NTRK2: variants seen among roughly 807,000 people sequenced by gnomAD.
NTRK2 encodes the protein neurotrophic receptor tyrosine kinase 2.
A neutral mutation model predicts 94.5 loss-of-function variants in NTRK2; 13 were observed. The observed-to-expected ratio is 0.14, with a 90% confidence interval of 0.09 to 0.22. The LOEUF (loss-of-function observed/expected upper bound fraction) is 0.22. NTRK2 is among the 10% of genes least tolerant of loss of function. The pLI is 1.00. For synonymous variants in NTRK2, 372 were observed against 407.4 expected, an observed-to-expected ratio of 0.91 and a Z score of 1.05; for missense variants, 639 against 1,071.2, an observed-to-expected ratio of 0.60 and a Z score of 5.63.
At position 84,875,012 on chromosome 9, in the gene NTRK2, AC is replaced by A. The variant is rs1444453229; in HGVS notation, c.1633+7583del. On this transcript the variant is annotated intron_variant, in intron 14 of 18. Transcript: ENST00000277120. ...ATAAATAATGTAGATTTAGTAGAAA[AC>A]CTGGAAAACATAAGAAACAAAGATG... The A allele has an allele frequency of 3.8e-6, 4 of 1,057,120 alleles. No homozygotes were observed. The African/African-American group carries it at 6.6e-5, about 17-fold the overall frequency. The allele number at this position is 1,057,120 out of a possible 1,614,324, so 65.5% of individuals were successfully genotyped here. A position where few individuals can be genotyped will look rare whatever the true frequency, so the allele number is the denominator to read the frequency against.
At chr9:84,687,628 T>C (rs1401380077) in intron 2 of NTRK2, among the ~76,000 whole-genome samples, 2 of 152,226 alleles carry the variant, frequency 1.3e-5, no homozygotes, top group African/African-American at 4.8e-5. Context: ...AGATACTCTG[T>C]TGGCAAAGTC....
intron 14 of NTRK2, among the ~76,000 whole-genome samples, chr9:84,910,641 A>G (rs954013058): frequency 6.6e-6 from 1 of 152,164 alleles, no homozygotes; most frequent in African/African-American, 2.4e-5. Flanking sequence ...TCCATAATTA[A>G]ACCCACTACA....
intron 16 of NTRK2, among the ~76,000 whole-genome samples, chr9:84,952,338 G>T (rs537234937): frequency 6.6e-6 from 1 of 152,334 alleles, no homozygotes; most frequent in African/African-American, 2.4e-5. Context: ...CAGAGCAGTT[G>T]GTGCAGTGCC....
intron 14 of NTRK2, among the ~76,000 whole-genome samples, chr9:84,915,611 C>G (rs947938042): frequency 6.6e-6 from 1 of 152,112 alleles, no homozygotes; most frequent in Non-Finnish European, 1.5e-5. Flanking sequence ...AACCAGAAAA[C>G]CTCTGTTCTT....
chr9:84,898,361 A>T (rs1241967645), intron 14 of NTRK2, among the ~76,000 whole-genome samples: 1 of 152,176 alleles, frequency 6.6e-6, no homozygotes. Context: ...ACTTAGGTGA[A>T]GTAGATCTTT....
intron 14 of NTRK2, among the ~76,000 whole-genome samples, chr9:84,879,477 TTTTATATAA>T (rs1397407382): frequency 3.3e-5 from 5 of 152,206 alleles, no homozygotes; most frequent in African/African-American, 1.2e-4. Context: ...CATTCTCTAT[TTTTATATAA>T]TTTCTACCTA....
At chr9:84,914,025 T>C (rs1185476076) in intron 14 of NTRK2, among the ~76,000 whole-genome samples, 1 of 152,128 alleles carries the variant, frequency 6.6e-6, no homozygotes, top group African/African-American at 2.4e-5. Context: ...ATTTTTGTTG[T>C]TCTGTCTTCA....
At position 84,675,324 on chromosome 9, in the gene NTRK2, C is replaced by CTTTTTTTTTTTTTTTTTTTTTT. The variant is rs536445167; in HGVS notation, c.212+4370_212+4391dup. 1.5e-4 allele frequency among the ~76,000 whole-genome samples: 10 copies of CTTTTTTTTTTTTTTTTTTTTTT among 67,322 alleles called. 1 individual carries two copies. Among genetic ancestry groups the CTTTTTTTTTTTTTTTTTTTTTT allele is most frequent in the East Asian group, 5.3e-4 (1 of 1,888 alleles). The allele number at this position is 67,322 out of a possible 152,430, so 44.2% of individuals were successfully genotyped here. On this transcript the variant is annotated intron_variant, in intron 2 of 18. Coordinates refer to ENST00000277120, the MANE Select transcript of NTRK2 (RefSeq NM_006180.6). ...CTCTTCTCCTTTCTTTCTTTCTTTC[C>CTTTTTTTTTTTTTTTTTTTTTT]TTTTTTTTTTTTTTTTTTTTTTTTT...
At chr9:84,770,195 A>ACACACACACACAC (rs2066415222) in intron 12 of NTRK2, among the ~76,000 whole-genome samples, 3 of 95,070 alleles carry the variant, frequency 3.2e-5, no homozygotes, top group African/African-American at 9.2e-5. Context: ...CACACACACA[A>ACACACACACACAC]ACACACAGCT....
At chr9:84,936,518 T>A (rs1290777232) in intron 15 of NTRK2, among the ~76,000 whole-genome samples, 1 of 152,154 alleles carries the variant, frequency 6.6e-6, no homozygotes, top group Non-Finnish European at 1.5e-5. Context: ...GTGAGGCCCC[T>A]CTCTAGTTTA....
At chr9:84,723,523 C>T (rs577330758) in intron 6 of NTRK2, 50 bp from the exon 7 acceptor site, 1 of 1,603,564 alleles carries the variant, frequency 6.2e-7, no homozygotes, top group African/African-American at 1.3e-5. Flanking sequence ...TATTTTGATA[C>T]TGCATTTAAC....
chr9:84,826,324 G>A (rs770210547), intron 12 of NTRK2, among the ~76,000 whole-genome samples: 12 of 152,212 alleles, frequency 7.9e-5, no homozygotes, highest in Non-Finnish European at 1.5e-4. Flanking sequence ...GCTGCCTTCA[G>A]CTCGCCTTCT....
At chr9:84,872,175 A>G (rs559513072) in intron 14 of NTRK2, 45 of 1,165,594 alleles carry the variant, frequency 3.9e-5, no homozygotes, top group Non-Finnish European at 4.7e-5. Context: ...ACCTGACAGC[A>G]CGGGGTGGTT....
At chr9:84,777,156 T>A (rs571154152) in intron 12 of NTRK2, among the ~76,000 whole-genome samples, 2 of 152,226 alleles carry the variant, frequency 1.3e-5, no homozygotes, top group South Asian at 4.2e-4. Context: ...AAAAGAGAAG[T>A]TATAGAAAGG....
At chr9:84,846,010 C>T (rs1353502231) in intron 12 of NTRK2, among the ~76,000 whole-genome samples, 3 of 151,736 alleles carry the variant, frequency 2.0e-5, no homozygotes, top group African/African-American at 7.3e-5. Context: ...GAAAGGGAAC[C>T]CTTCCCAAAA....
chr9:84,741,035 A>C (rs75393243), intron 9 of NTRK2, among the ~76,000 whole-genome samples: 147 of 152,346 alleles, frequency 9.6e-4, no homozygotes, highest in Non-Finnish European at 1.6e-3. Context: ...TTAAATGTTA[A>C]AACAAAATTT....
intron 17 of NTRK2, among the ~76,000 whole-genome samples, chr9:85,007,706 A>G (rs1171628840): frequency 6.6e-6 from 1 of 152,234 alleles, no homozygotes; most frequent in Non-Finnish European, 1.5e-5. Flanking sequence ...CTAAGTGAGA[A>G]AAATGAAGAC....
chr9:84,787,866 T>A (rs965791690), intron 12 of NTRK2, among the ~76,000 whole-genome samples: 1 of 152,180 alleles, frequency 6.6e-6, no homozygotes, highest in Non-Finnish European at 1.5e-5. Context: ...AGAGCAGGAC[T>A]ATGGAGACAG....
At chr9:84,759,038 G>A (rs577593595) in intron 12 of NTRK2, among the ~76,000 whole-genome samples, 1 of 152,292 alleles carries the variant, frequency 6.6e-6, no homozygotes, top group East Asian at 1.9e-4. Flanking sequence ...GTCTATCTCA[G>A]CACTCTCTTA....
Sources: gnomAD v4.1 joint callset for allele counts (sites outside exome capture counted in the v4.1 genomes callset) on GRCh38, gnomAD v4.1.1 for gene constraint, MANE v1.5 for transcripts, NCBI Gene and HGNC (gene_info 2026-07-23, HGNC 2026-07-21) for gene names.